Variants in EFR3B observed in about 807,000 individuals in gnomAD.
EFR3B encodes the protein protein EFR3 homolog B.
In EFR3B, 64 loss-of-function variants were observed where a neutral mutation model predicts 104.7. The observed-to-expected ratio is 0.61, with a 90% CI of 0.50 to 0.75. The LOEUF is 0.75. EFR3B is among the 30% of genes least tolerant of loss of function. The probability of loss-of-function intolerance (pLI) is 0.00; values close to 1 mark genes in which losing one functional copy is unlikely to be tolerated. For missense variants in EFR3B, 750 were observed against 1,078.5 expected, an observed-to-expected ratio of 0.70 and a Z score of 4.27; for synonymous variants, 385 against 417.9, an observed-to-expected ratio of 0.92 and a Z score of 0.96.
intron 3 of EFR3B, among the ~76,000 whole-genome samples, chr2:25,095,307 T>C (rs1174203371): frequency 1.3e-5 from 2 of 152,136 alleles, no homozygotes; most frequent in East Asian, 3.8e-4. Flanking sequence ...TTTAAGTAAA[T>C]GAAAACCAGA....
intron 4 of EFR3B, among the ~76,000 whole-genome samples, chr2:25,112,177 A>G (rs918035969): frequency 3.9e-5 from 6 of 152,248 alleles, no homozygotes. Flanking sequence ...CTTTGGTTCA[A>G]AAATCAGCAC....
In EFR3B at chr2:25,128,289, C is replaced by G; in HGVS notation, c.592C>G (p.Pro198Ala). The change falls in exon 6 of 23, where the codon CCA (proline) becomes GCA (alanine). Residue 198 changes from proline (P) to alanine (A), a missense_variant. Pro to Ala is a conservative substitution (Grantham distance 27). Coordinates refer to ENST00000403714, the MANE Select transcript of EFR3B (RefSeq NM_014971.2). ...CCCACAGCACATGGATAAGATCGTTCCATCACTGCTTTTCAATCTACAGCA... is the reference window on the plus strand; with the variant it reads ...CCCACAGCACATGGATAAGATCGTTGCATCACTGCTTTTCAATCTACAGCA... The part of the protein sequence containing the change: ...WDPQHMDKIV[P>A]SLLFNLQHVE... The G allele has an allele frequency of 6.4e-7, 1 of 1,551,830 alleles. No homozygotes were observed. Among genetic ancestry groups the G allele is most frequent in the Non-Finnish European group, 8.7e-7 (1 of 1,147,040 alleles).
rs1306542715 is a variant in EFR3B at position 25,137,844 on chromosome 2, G to A, written c.1722+342G>A. Among the ~76,000 whole-genome samples, 1 of 152,190 alleles carries A rather than the reference G, an allele frequency of 6.6e-6. No individual in the cohort carries two copies. Among genetic ancestry groups the A allele is most frequent in the Non-Finnish European group, 1.5e-5 (1 of 68,034 alleles). ...TTAAAAGGATGCTCATAAGCCCTGA[G>A]TGATCCCAGACAAACTCATTTGTCT... On this transcript the variant is annotated intron_variant, in intron 15 of 22. Coordinates refer to ENST00000403714, the MANE Select transcript of EFR3B (RefSeq NM_014971.2). The surrounding 1 kb of genome is among the most constrained non-coding windows in gnomAD (Gnocchi z 4.7).
At position 25,135,528 on chromosome 2, in the gene EFR3B, G is replaced by T. The variant is rs1247536046; in HGVS notation, c.1373G>T (p.Arg458Leu). Residue 458 changes from arginine to leucine, a missense_variant, in exon 13 of 23, where the codon CGC (arginine) becomes CTC (leucine). Physicochemically the swap from Arg to Leu is moderately radical, Grantham distance 102. Transcript: ENST00000403714. ...MSALPSNFLD[R>L]LLSTALMEDA... The stretch of plus-strand genomic sequence containing the variant: ...GCCCTGCCTAGCAACTTCCTGGACC[G>T]CCTTCTCTCCACCGCCCTCATGGAG... 1 of 1,551,782 alleles carries T rather than the reference G, an allele frequency of 6.4e-7. No homozygotes were observed.
chr2:25,154,615 G>T lies in EFR3B; in HGVS notation c.*275G>T. ...AGCCAGGGGCAGAGAATCATGGGGTGTCTCTCAGGAGAAGCCGGGGGGAGG... is the reference window on the plus strand; with the variant it reads ...AGCCAGGGGCAGAGAATCATGGGGTTTCTCTCAGGAGAAGCCGGGGGGAGG... On this transcript the variant is annotated 3_prime_UTR_variant, in exon 23 of 23. Coordinates refer to ENST00000403714, the MANE Select transcript of EFR3B (RefSeq NM_014971.2). This position sits in a 1 kb window ranked among gnomAD's most constrained non-coding sequence, Gnocchi z 4.1. 1 of 404,220 alleles carries T rather than the reference G, an allele frequency of 2.5e-6. No homozygotes were observed. The highest frequency in any genetic ancestry group is 4.4e-6 in the Non-Finnish European group (1 of 227,686). 25.0% of individuals were successfully genotyped at this position (404,220 alleles called of 1,614,324 possible).
At chr2:25,125,816 C>T (rs751940151) in intron 5 of EFR3B, among the ~76,000 whole-genome samples, 8 of 152,128 alleles carry the variant, frequency 5.3e-5, no homozygotes, top group South Asian at 2.1e-4. Context: ...GGCGTGGTGG[C>T]GGGCGCCTGT....
rs1278865775 is a variant in EFR3B, at chr2:25,102,186, G to A, written c.213-1451G>A. On this transcript the variant is annotated intron_variant, in intron 3 of 22. Coordinates refer to ENST00000403714, the MANE Select transcript of EFR3B (RefSeq NM_014971.2). ...GCTTGGGTATATTTAGCACAGAGGA[G>A]AGAACAGCAAGAATAACAAATGAGA... Among the ~76,000 whole-genome samples, 3 of 152,354 alleles carry A rather than the reference G, an allele frequency of 2.0e-5. No homozygotes were observed. In the East Asian group the frequency reaches 5.8e-4, roughly 29 times the overall value.
intron 6 of EFR3B, 48 bp from the exon 7 acceptor site, chr2:25,129,927 A>G (rs907572553): frequency 3.2e-6 from 5 of 1,546,564 alleles, no homozygotes; most frequent in Non-Finnish European, 3.5e-6. Context: ...ACAGAGCCTG[A>G]CCCCAGCCTG....
At chr2:25,043,850 G>T (rs1054517208) in intron 1 of EFR3B, among the ~76,000 whole-genome samples, 3 of 152,224 alleles carry the variant, frequency 2.0e-5, no homozygotes, top group African/African-American at 7.2e-5. Flanking sequence ...TGTGACTGCA[G>T]GGGCACCTGC....
chr2:25,065,866 C>T (rs956044872), intron 1 of EFR3B, among the ~76,000 whole-genome samples: 4 of 152,088 alleles, frequency 2.6e-5, no homozygotes, highest in African/African-American at 9.7e-5. Flanking sequence ...CTGGGAGGCT[C>T]TTCCTGACAC....
intron 1 of EFR3B, among the ~76,000 whole-genome samples, chr2:25,056,873 A>T (rs144384415): frequency 8.6e-4 from 131 of 152,256 alleles, no homozygotes; most frequent in African/African-American, 2.9e-3. Context: ...TTTATCAAGG[A>T]CATTTCTGGA....
At chr2:25,074,152 G>T (rs573718424) in intron 1 of EFR3B, among the ~76,000 whole-genome samples, 1 of 152,254 alleles carries the variant, frequency 6.6e-6, no homozygotes, top group South Asian at 2.1e-4. Context: ...TGTGGGGCTG[G>T]TTGGTCGCTC....
intron 3 of EFR3B, among the ~76,000 whole-genome samples, chr2:25,098,219 C>A (rs1261367133): frequency 2.6e-5 from 4 of 152,152 alleles, no homozygotes; most frequent in Non-Finnish European, 5.9e-5. Flanking sequence ...ACCAAATGCA[C>A]TCAAACTGCC....
Position 25,136,607 on chromosome 2 carries a change from G to A in EFR3B, c.1560+9G>A. 6.5e-7 allele frequency: 1 copy of A among 1,550,368 alleles called. No homozygotes were observed. Reference sequence around the variant, plus strand: ...CCGTCTTCATGAAGAAGGTAAACAAGCATGACCTCCAGGCACAGTGAAGGG... The same window carrying A: ...CCGTCTTCATGAAGAAGGTAAACAAACATGACCTCCAGGCACAGTGAAGGG... On this transcript the variant is annotated intron_variant, in intron 14 of 22. Coordinates refer to ENST00000403714, the MANE Select transcript of EFR3B (RefSeq NM_014971.2). This position sits in a 1 kb window ranked among gnomAD's most constrained non-coding sequence, Gnocchi z 4.0.
chr2:25,154,418 A>G lies in EFR3B; in HGVS notation c.*78A>G. 1 of 1,302,248 alleles carries G rather than the reference A, an allele frequency of 7.7e-7. No homozygotes were observed. The highest frequency in any genetic ancestry group is 1.3e-5 in the South Asian group (1 of 75,418). The allele number at this position is 1,302,248 out of a possible 1,614,324, so 80.7% of individuals were successfully genotyped here. The stretch of plus-strand genomic sequence containing the variant: ...TCACGCCCACCCCGACCACATGGAG[A>G]TCTGGCTGTGATCTCTGAGAAAACA... On this transcript the variant is annotated 3_prime_UTR_variant, in exon 23 of 23. Coordinates refer to ENST00000403714, the MANE Select transcript of EFR3B (RefSeq NM_014971.2). The surrounding 1 kb of genome is among the most constrained non-coding windows in gnomAD (Gnocchi z 4.1).
At position 25,131,791 on chromosome 2, in the gene EFR3B, C is replaced by G; in HGVS notation, c.1027C>G (p.Leu343Val). The G allele has an allele frequency of 6.5e-7, 1 of 1,545,202 alleles. No homozygotes were observed. Among genetic ancestry groups the G allele is most frequent in the African/African-American group, 1.4e-5 (1 of 72,984 alleles). ...LEMFNTLLRQ[L>V]RLSIDYALTG... Reference sequence around the variant, plus strand: ...GATGTTCAACACGCTGCTGAGGCAGCTGCGGCTCAGCATCGACTACGCGCT... The same window carrying G: ...GATGTTCAACACGCTGCTGAGGCAGGTGCGGCTCAGCATCGACTACGCGCT... Residue 343 changes from leucine to valine, a missense_variant, in exon 10 of 23, where the codon CTG becomes GTG. By Grantham distance (32) the Leu-to-Val change is conservative (BLOSUM62 1). Transcript: ENST00000403714. The surrounding 1 kb of genome is among the most constrained non-coding windows in gnomAD (Gnocchi z 7.6).
At chr2:25,112,530 G>A (rs1669749457) in intron 4 of EFR3B, among the ~76,000 whole-genome samples, 1 of 152,250 alleles carries the variant, frequency 6.6e-6, no homozygotes, top group Non-Finnish European at 1.5e-5. Flanking sequence ...ACATGATCAA[G>A]TTAAGATGGG....
intron 4 of EFR3B, among the ~76,000 whole-genome samples, chr2:25,121,338 A>G (rs569958186): frequency 6.6e-6 from 1 of 152,264 alleles, no homozygotes; most frequent in African/African-American, 2.4e-5. Context: ...ATTATTCCTA[A>G]CAGCCTCCCC....
chr2:25,088,929 C>G (rs1274230410), intron 1 of EFR3B, among the ~76,000 whole-genome samples: 1 of 152,180 alleles, frequency 6.6e-6, no homozygotes, highest in East Asian at 1.9e-4. Flanking sequence ...TTCTTACCTC[C>G]TTTCTACTGG....
Sources: allele counts gnomAD v4.1 joint callset (sites outside exome capture counted in the v4.1 genomes callset), GRCh38; gene constraint gnomAD v4.1.1; non-coding constraint Gnocchi (gnomAD v3.1); transcripts MANE v1.5; gene names NCBI Gene and HGNC (gene_info 2026-07-23, HGNC 2026-07-21).